TSPAN14: variants seen among roughly 807,000 people sequenced by gnomAD.
The protein encoded by TSPAN14 is tetraspanin 14.
TSPAN14 carries 16 observed loss-of-function variants against 36.6 expected under a neutral mutation model. The observed-to-expected ratio is 0.44, with a 90% CI of 0.30 to 0.66. The LOEUF (loss-of-function observed/expected upper bound fraction) is 0.66, where lower values mean the gene tolerates loss of function less well. TSPAN14 is among the 30% of genes least tolerant of loss of function. TSPAN14 has a pLI of 0.12. For missense variants in TSPAN14, 231 were observed against 355.1 expected (o/e 0.65, Z 2.81); for synonymous variants, 139 against 143.8 (o/e 0.97, Z 0.24).
At chr10:80,482,631 A>C (rs113435634) in intron 1 of TSPAN14, among the ~76,000 whole-genome samples, 1 of 150,992 alleles carries the variant, frequency 6.6e-6, no homozygotes, top group African/African-American at 2.5e-5. Flanking sequence ...GTGCGTGTGC[A>C]CTGGATTGAC....
chr10:80,493,386 C>G (rs1298648483), intron 2 of TSPAN14, among the ~76,000 whole-genome samples: 4 of 152,170 alleles, frequency 2.6e-5, no homozygotes, highest in Admixed American at 2.6e-4. Flanking sequence ...CCGTATGATC[C>G]AACAATTCCA....
chr10:80,511,031 G>A (rs1229799738), intron 5 of TSPAN14, among the ~76,000 whole-genome samples: 1 of 152,144 alleles, frequency 6.6e-6, no homozygotes, highest in Non-Finnish European at 1.5e-5. Context: ...TACCTGAGAA[G>A]TAAGCAAAAC....
exon 9 of TSPAN14, chr10:80,518,898 C>T (rs1286692285): frequency 1.3e-5 from 2 of 152,968 alleles, no homozygotes; most frequent in African/African-American, 4.8e-5. Flanking sequence ...TCTTAAGAAC[C>T]AGCCCACAAC....
intron 1 of TSPAN14, among the ~76,000 whole-genome samples, chr10:80,461,756 A>G (rs1845979189): frequency 6.6e-6 from 1 of 152,020 alleles, no homozygotes; most frequent in Non-Finnish European, 1.5e-5. Context: ...TCCTGCAGAA[A>G]GACGGTTGGA....
At chr10:80,460,177 G>A (rs1342523328) in intron 1 of TSPAN14, among the ~76,000 whole-genome samples, 1 of 152,158 alleles carries the variant, frequency 6.6e-6, no homozygotes, top group Non-Finnish European at 1.5e-5. Context: ...AAGAAAAGTG[G>A]GAACTTATAG....
chr10:80,519,489 T>A (rs1372020857), exon 9 of TSPAN14: 3 of 149,744 alleles, frequency 2.0e-5, no homozygotes, highest in Non-Finnish European at 4.4e-5. Flanking sequence ...TCTAGTGTGG[T>A]GTATACTGGT....
chr10:80,471,912 C>G (rs1324825603), intron 1 of TSPAN14, among the ~76,000 whole-genome samples: 2 of 152,172 alleles, frequency 1.3e-5, no homozygotes, highest in African/African-American at 4.8e-5. Flanking sequence ...CGTGGTGGCT[C>G]ATGCCTGTGA....
chr10:80,492,312 C>T (rs1344236975), intron 2 of TSPAN14, among the ~76,000 whole-genome samples: 1 of 152,098 alleles, frequency 6.6e-6, no homozygotes, highest in East Asian at 1.9e-4. Flanking sequence ...TGAAGCAAAG[C>T]CCAGGTAGAT....
chr10:80,456,606 C>G (rs1197073409), intron 1 of TSPAN14, among the ~76,000 whole-genome samples: 1 of 152,212 alleles, frequency 6.6e-6, no homozygotes. Flanking sequence ...AGGTAGAATT[C>G]CTTTTAGCAG....
intron 1 of TSPAN14, among the ~76,000 whole-genome samples, chr10:80,487,222 C>T (rs892334612): frequency 2.6e-5 from 4 of 152,010 alleles, no homozygotes; most frequent in East Asian, 1.9e-4. Flanking sequence ...GGCCCGTCTA[C>T]CTTGTAAGAT....
intron 2 of TSPAN14, among the ~76,000 whole-genome samples, chr10:80,499,126 A>G (rs1848358617): frequency 6.6e-6 from 1 of 152,198 alleles, no homozygotes; most frequent in Non-Finnish European, 1.5e-5. Context: ...CAAGGCCATT[A>G]AATCATGGGT....
rs144759161 is a variant in TSPAN14, at chr10:80,500,314, C to CTT, written c.82-4383_82-4382dup. ...AATGAAAACAACACAAGGCCTTATT[C>CTT]TTTTTTTTTTTTTTTTTTTTTTTTT... On this transcript the variant is annotated intron_variant, in intron 2 of 8. Coordinates refer to ENST00000429989, the Ensembl canonical transcript of TSPAN14. Among the ~76,000 whole-genome samples, 423 of 47,872 alleles carry CTT rather than the reference C, an allele frequency of 8.8e-3. 42 individuals are homozygous for CTT. Among genetic ancestry groups the CTT allele is most frequent in the Non-Finnish European group, 0.011 (308 of 27,932 alleles). The allele number at this position is 47,872 out of a possible 152,430, so 31.4% of individuals were successfully genotyped here.
intron 2 of TSPAN14, among the ~76,000 whole-genome samples, chr10:80,495,437 A>C (rs927418448): frequency 1.3e-5 from 2 of 151,898 alleles, no homozygotes; most frequent in African/African-American, 4.8e-5. Context: ...GGGATTGCTT[A>C]ATCAGAAACT....
chr10:80,483,349 A>T (rs942232787), intron 1 of TSPAN14, among the ~76,000 whole-genome samples: 10 of 152,190 alleles, frequency 6.6e-5, no homozygotes, highest in African/African-American at 2.2e-4. Flanking sequence ...AGCCATTTTC[A>T]TGCTCTTAAC....
chr10:80,473,063 TG>T (rs1846647340), intron 1 of TSPAN14, among the ~76,000 whole-genome samples: 1 of 152,212 alleles, frequency 6.6e-6, no homozygotes, highest in African/African-American at 2.4e-5. Context: ...TGTCCTGCTC[TG>T]CCTGCTTCCA....
At chr10:80,455,437 C>G (rs751924885) in intron 1 of TSPAN14, among the ~76,000 whole-genome samples, 2 of 152,088 alleles carry the variant, frequency 1.3e-5, no homozygotes, top group Non-Finnish European at 2.9e-5. Context: ...TGGCAGTGGT[C>G]TGCTCTCCAG....
chr10:80,518,201 C>A (rs935924576), exon 9 of TSPAN14: 14 of 579,314 alleles, frequency 2.4e-5, no homozygotes, highest in African/African-American at 2.1e-4. Flanking sequence ...TGGAGTCTAC[C>A]CAGAGACAGA....
intron 1 of TSPAN14, among the ~76,000 whole-genome samples, chr10:80,476,576 C>G (rs1589252164): frequency 6.6e-6 from 1 of 151,812 alleles, no homozygotes; most frequent in Non-Finnish European, 1.5e-5. Flanking sequence ...CTACCACACC[C>G]GGCTAATTTT....
Position 80,512,275 on chromosome 10 carries a change from T to C in TSPAN14, c.576+6T>C, listed in dbSNP as rs1310264012. On this transcript the variant is annotated splice_donor_region_variant and intron_variant, in intron 6 of 8. Coordinates refer to ENST00000429989, the Ensembl canonical transcript of TSPAN14. ...GCTGCGTGCCAGATCCTGCGGTGAG[T>C]TGGCTTGTGCTGGGGCACAGGGAGC... is the stretch of plus-strand genomic sequence containing the variant. 3 of 1,613,456 alleles carry C rather than the reference T, an allele frequency of 1.9e-6. No homozygotes were observed. The African/African-American group carries it at 4.0e-5, about 22-fold the overall frequency.
Sources: allele counts gnomAD v4.1 joint callset (sites outside exome capture counted in the v4.1 genomes callset), GRCh38; gene constraint gnomAD v4.1.1; transcripts MANE v1.5; gene names NCBI Gene and HGNC (gene_info 2026-07-23, HGNC 2026-07-21).